Variants in BMPR1B observed in about 807,000 individuals in gnomAD.
The protein encoded by BMPR1B is bone morphogenetic protein receptor type 1B.
BMPR1B carries 12 observed loss-of-function variants against 59.1 expected under a neutral mutation model. The ratio of observed to expected loss-of-function variants is 0.20; its 90% CI spans 0.13 to 0.33. The LOEUF (loss-of-function observed/expected upper bound fraction) is 0.33. Ranked by LOEUF, BMPR1B falls within the 10% of genes least tolerant of loss-of-function variation. BMPR1B has a pLI of 1.00. For missense variants in BMPR1B, 550 were observed against 610.9 expected, an observed-to-expected ratio of 0.90 and a Z score of 1.05; for synonymous variants, 237 against 207.3, an observed-to-expected ratio of 1.14 and a Z score of -1.23.
chr4:94,768,588 A>T (rs1211883315), intron 1 of BMPR1B, among the ~76,000 whole-genome samples: 1 of 152,172 alleles, frequency 6.6e-6, no homozygotes, highest in Admixed American at 6.5e-5. Flanking sequence ...GAGCCAAAAA[A>T]ATTAAAATAC....
intron 3 of BMPR1B, among the ~76,000 whole-genome samples, chr4:95,086,452 A>G (rs538164201): frequency 6.6e-6 from 1 of 152,318 alleles, no homozygotes; most frequent in South Asian, 2.1e-4. Flanking sequence ...TGATAACCTA[A>G]CATTTAATTG....
At chr4:95,092,818 G>A (rs1315628513) in intron 3 of BMPR1B, among the ~76,000 whole-genome samples, 1 of 151,974 alleles carries the variant, frequency 6.6e-6, no homozygotes. Flanking sequence ...CTATAAAATA[G>A]TTTTATACAC....
chr4:94,820,943 G>A (rs1724186028), intron 1 of BMPR1B, among the ~76,000 whole-genome samples: 1 of 152,196 alleles, frequency 6.6e-6, no homozygotes, highest in African/African-American at 2.4e-5. Flanking sequence ...TCATTAGAGT[G>A]CATAGTGTGC....
intron 3 of BMPR1B, among the ~76,000 whole-genome samples, chr4:95,030,226 C>T (rs1013107425): frequency 1.3e-5 from 2 of 152,110 alleles, no homozygotes; most frequent in South Asian, 2.1e-4. Context: ...CCTAGGTTTT[C>T]TTCTGTGGTT....
At position 94,841,342 on chromosome 4, in the gene BMPR1B, C is replaced by T. The variant is rs535336707; in HGVS notation, c.-182-34489C>T. ...TTACCTAAGCAAGCCTGGGCAATGG[C>T]GGGCGCCCCTCCCCCAGCCTCGCTG... On this transcript the variant is annotated intron_variant, in intron 1 of 12. Transcript: ENST00000515059. 3.2e-3 allele frequency among the ~76,000 whole-genome samples: 477 copies of T among 148,942 alleles called. 18 individuals carry two copies. The highest frequency in any genetic ancestry group is 5.4e-3 in the Non-Finnish European group (362 of 66,618).
rs536798748 is a variant in BMPR1B at position 94,780,632 on chromosome 4, A to C, written c.-183+22564A>C. ...AAGTGCCTATAGCAGTATACATCCT[A>C]GTATATGAGGTGTCAGTTTCTCTAC... is the stretch of plus-strand genomic sequence containing the variant. On this transcript the variant is annotated intron_variant, in intron 1 of 12. Coordinates refer to ENST00000515059, the MANE Select transcript of BMPR1B (RefSeq NM_001203.3). 1.5e-3 allele frequency among the ~76,000 whole-genome samples: 223 copies of C among 149,564 alleles called. 9 individuals are homozygous for C. In the South Asian group the frequency reaches 0.047, roughly 31 times the overall value.
At chr4:94,955,774 G>A (rs1384279217) in intron 2 of BMPR1B, among the ~76,000 whole-genome samples, 1 of 151,990 alleles carries the variant, frequency 6.6e-6, no homozygotes, top group African/African-American at 2.4e-5. Context: ...GGTTACAGGT[G>A]CACGCCCCCA....
At chr4:94,925,309 G>GA (rs1303714915) in intron 2 of BMPR1B, among the ~76,000 whole-genome samples, 3 of 151,684 alleles carry the variant, frequency 2.0e-5, no homozygotes, top group African/African-American at 4.8e-5. Context: ...TGCAAATTTT[G>GA]AAAAAAAGGA....
chr4:95,142,476 C>G lies in BMPR1B; in HGVS notation c.1077-6272C>G, dbSNP rs193219735. Among the ~76,000 whole-genome samples the G allele has an allele frequency of 2.6e-3, 403 of 152,270 alleles. 5 individuals are homozygous for G. The highest frequency in any genetic ancestry group is 0.023 in the Admixed American group (348 of 15,292). ...TTTTTTCCACACACTCTTTAAAGTA[C>G]AGTTCTTATTTCATAAGAAGCTTTT... On this transcript the variant is annotated intron_variant, in intron 10 of 12. Coordinates refer to ENST00000515059, the MANE Select transcript of BMPR1B (RefSeq NM_001203.3).
intron 6 of BMPR1B, among the ~76,000 whole-genome samples, 181 bp from the exon 7 acceptor site, chr4:95,123,629 C>T (rs1031343209): frequency 6.6e-6 from 1 of 152,056 alleles, no homozygotes; most frequent in African/African-American, 2.4e-5. Context: ...GGATGATTCA[C>T]GCTAGTCAAA....
At chr4:95,076,163 T>C (rs1728692436) in intron 3 of BMPR1B, among the ~76,000 whole-genome samples, 1 of 152,142 alleles carries the variant, frequency 6.6e-6, no homozygotes, top group Admixed American at 6.6e-5. Context: ...GTATGTGTAG[T>C]AAAATTTTAG....
intron 1 of BMPR1B, among the ~76,000 whole-genome samples, chr4:94,782,104 C>G (rs1030411191): frequency 6.7e-6 from 1 of 150,314 alleles, no homozygotes; most frequent in African/African-American, 2.4e-5. Flanking sequence ...TTTTTCTCCT[C>G]TTTTTGGTAG....
rs927291664 is a variant in BMPR1B at position 95,018,088 on chromosome 4, T to C, written c.-18+21954T>C. Among the ~76,000 whole-genome samples, 3 of 152,190 alleles carry C rather than the reference T, an allele frequency of 2.0e-5. 1 individual carries two copies. The highest frequency in any genetic ancestry group is 1.3e-4 in the Admixed American group (2 of 15,264). The stretch of plus-strand genomic sequence containing the variant: ...TCACATTAAGTAAAGCAAATTTTAA[T>C]GTATAGGTTAAACTGAAATATTTAG... On this transcript the variant is annotated intron_variant, in intron 3 of 12. Coordinates refer to ENST00000515059, the MANE Select transcript of BMPR1B (RefSeq NM_001203.3).
rs1051580097 is a variant in BMPR1B at position 94,837,477 on chromosome 4, C to T, written c.-182-38354C>T. Among the ~76,000 whole-genome samples the T allele has an allele frequency of 1.4e-5, 2 of 144,176 alleles. 1 individual carries two copies. The allele number at this position is 144,176 out of a possible 152,430, so 94.6% of individuals were successfully genotyped here. A position where few individuals can be genotyped will look rare whatever the true frequency, so the allele number is the denominator to read the frequency against. ...TCTCCTTGAAGAGGTCCTTCACATCCCTTGGAAGTTGGATTCCTGGGTATT... is the reference window on the plus strand; with the variant it reads ...TCTCCTTGAAGAGGTCCTTCACATCTCTTGGAAGTTGGATTCCTGGGTATT... On this transcript the variant is annotated intron_variant, in intron 1 of 12. Coordinates refer to ENST00000515059, the MANE Select transcript of BMPR1B (RefSeq NM_001203.3).
chr4:94,875,069 T>C (rs1726668591), intron 1 of BMPR1B, among the ~76,000 whole-genome samples: 1 of 152,136 alleles, frequency 6.6e-6, no homozygotes, highest in Non-Finnish European at 1.5e-5. Flanking sequence ...ATCCCCAAAC[T>C]GTAAGTCTAG....
At chr4:95,097,063 A>G (rs910062423) in intron 3 of BMPR1B, among the ~76,000 whole-genome samples, 1 of 145,214 alleles carries the variant, frequency 6.9e-6, no homozygotes, top group Non-Finnish European at 1.5e-5. Flanking sequence ...GTATATAGTT[A>G]TATATTTACA....
intron 2 of BMPR1B, among the ~76,000 whole-genome samples, chr4:94,917,288 C>T (rs1728520820): frequency 1.3e-5 from 2 of 152,186 alleles, no homozygotes; most frequent in Admixed American, 1.3e-4. Flanking sequence ...CTGCTCTCCT[C>T]CAGACCACAG....
chr4:94,861,739 A>C (rs2148957212), intron 1 of BMPR1B, among the ~76,000 whole-genome samples: 1 of 152,346 alleles, frequency 6.6e-6, no homozygotes, highest in South Asian at 2.1e-4. Flanking sequence ...TGGTGATTTT[A>C]AAATTATGGT....
chr4:94,969,401 G>A (rs914318142), intron 2 of BMPR1B, among the ~76,000 whole-genome samples: 1 of 152,152 alleles, frequency 6.6e-6, no homozygotes, highest in East Asian at 1.9e-4. Flanking sequence ...CTGTCATCAA[G>A]ATGCTTGTTT....
Sources: gnomAD v4.1 joint callset for allele counts (sites outside exome capture counted in the v4.1 genomes callset) on GRCh38, gnomAD v4.1.1 for gene constraint, MANE v1.5 for transcripts, NCBI Gene and HGNC (gene_info 2026-07-23, HGNC 2026-07-21) for gene names.